The following RABGAP1L variants were observed in gnomAD, a reference collection of about 807,000 sequenced individuals.
RABGAP1L encodes the protein rab GTPase-activating protein 1-like.
A neutral mutation model predicts 137.7 loss-of-function variants in RABGAP1L; 63 were observed. That is an observed-to-expected ratio of 0.46 (90% confidence interval 0.37 to 0.56). The LOEUF (loss-of-function observed/expected upper bound fraction) is 0.56, where lower values mean the gene tolerates loss of function less well. Ranked by LOEUF, RABGAP1L falls within the 20% of genes least tolerant of loss-of-function variation. The pLI is 0.00. For synonymous variants in RABGAP1L, 431 were observed against 433.7 expected (o/e 0.99, Z 0.08); for missense variants, 1,095 against 1,244.0 (o/e 0.88, Z 1.80).
At chr1:174,648,350 A>G (rs1388057218) in intron 14 of RABGAP1L, among the ~76,000 whole-genome samples, 1 of 152,160 alleles carries the variant, frequency 6.6e-6, no homozygotes, top group African/African-American at 2.4e-5. Flanking sequence ...TTAGTGCTAT[A>G]AATTTTTCTC....
intron 20 of RABGAP1L, among the ~76,000 whole-genome samples, chr1:174,968,661 A>G (rs1669867281): frequency 6.6e-6 from 1 of 152,178 alleles, no homozygotes. Flanking sequence ...AAAAAACAAA[A>G]AAACTAGATA....
intron 4 of RABGAP1L, among the ~76,000 whole-genome samples, chr1:174,232,974 A>G (rs987712850): frequency 2.6e-5 from 4 of 152,086 alleles, no homozygotes; most frequent in African/African-American, 9.7e-5. Flanking sequence ...TTTACATACA[A>G]CAGATAATTA....
At chr1:174,884,458 T>A (rs1654759080) in intron 19 of RABGAP1L, among the ~76,000 whole-genome samples, 1 of 152,190 alleles carries the variant, frequency 6.6e-6, no homozygotes. Flanking sequence ...ACATAACAAT[T>A]AAGATTCATC....
At chr1:174,547,365 C>G (rs763113908) in intron 13 of RABGAP1L, among the ~76,000 whole-genome samples, 1 of 152,104 alleles carries the variant, frequency 6.6e-6, no homozygotes, top group Admixed American at 6.5e-5. Context: ...ACCTGTAATC[C>G]TGGTACTTTG....
chr1:174,395,566 A>G (rs906284657), intron 13 of RABGAP1L, among the ~76,000 whole-genome samples: 2 of 152,210 alleles, frequency 1.3e-5, no homozygotes, highest in Non-Finnish European at 2.9e-5. Flanking sequence ...AAACTCTTAC[A>G]TCTTCACACT....
intron 13 of RABGAP1L, among the ~76,000 whole-genome samples, chr1:174,532,039 G>A (rs1179877682): frequency 6.6e-6 from 1 of 151,248 alleles, no homozygotes; most frequent in Non-Finnish European, 1.5e-5. Flanking sequence ...CAAGTAGAAA[G>A]GAAGACATAA....
At chr1:174,496,042 G>A (rs1374381940) in intron 13 of RABGAP1L, among the ~76,000 whole-genome samples, 1 of 152,024 alleles carries the variant, frequency 6.6e-6, no homozygotes, top group African/African-American at 2.4e-5. Flanking sequence ...TTAACTTTGA[G>A]TTTAAATTTT....
rs192254728 is a variant in RABGAP1L, at chr1:174,557,063, G to A, written c.1711-80312G>A. Reference sequence around the variant, plus strand: ...AGTGCAAAGGGACTAACTCGCATTCGCATGCAAATTTCTGTGGCTGGAAAG... The same window carrying A: ...AGTGCAAAGGGACTAACTCGCATTCACATGCAAATTTCTGTGGCTGGAAAG... On this transcript the variant is annotated intron_variant, in intron 13 of 25. Transcript: ENST00000681986. Among the ~76,000 whole-genome samples the A allele has an allele frequency of 1.2e-3, 181 of 152,234 alleles. 1 individual carries two copies. Among genetic ancestry groups the A allele is most frequent in the African/African-American group, 4.2e-3 (175 of 41,538 alleles).
At chr1:174,686,818 C>T (rs753813331) in intron 15 of RABGAP1L, among the ~76,000 whole-genome samples, 1 of 151,488 alleles carries the variant, frequency 6.6e-6, no homozygotes, top group Non-Finnish European at 1.5e-5. Context: ...TCACCATGCC[C>T]AGCTAATTTT....
chr1:174,748,084 G>T (rs1221360335), intron 17 of RABGAP1L, among the ~76,000 whole-genome samples: 1 of 152,120 alleles, frequency 6.6e-6, no homozygotes, highest in Non-Finnish European at 1.5e-5. Context: ...TCCTCTTGGT[G>T]TTTGTGAGAG....
chr1:174,318,633 T>G (rs1210800655), intron 11 of RABGAP1L, among the ~76,000 whole-genome samples: 1 of 110,082 alleles, frequency 9.1e-6, no homozygotes, highest in Non-Finnish European at 2.0e-5. Context: ...TCTTTCTTTC[T>G]TTTTCTTTCT....
chr1:174,322,898 A>G (rs1680122200), intron 11 of RABGAP1L, among the ~76,000 whole-genome samples: 1 of 152,206 alleles, frequency 6.6e-6, no homozygotes, highest in Admixed American at 6.5e-5. Context: ...CAAGGAGAAG[A>G]ATAAATAGGT....
At chr1:174,794,717 G>A (rs1299348210) in intron 18 of RABGAP1L, among the ~76,000 whole-genome samples, 1 of 152,128 alleles carries the variant, frequency 6.6e-6, no homozygotes, top group South Asian at 2.1e-4. Context: ...TGCATCTACT[G>A]TGGACAACAA....
Position 174,767,460 on chromosome 1 carries a change from GAATT to G in RABGAP1L, c.2211+15107_2211+15110del, listed in dbSNP as rs1477000756. Among the ~76,000 whole-genome samples the G allele has an allele frequency of 2.0e-5, 3 of 151,394 alleles. No homozygotes were observed. In the East Asian group the frequency reaches 5.8e-4, roughly 29 times the overall value. Reference sequence around the variant, plus strand: ...ATTCTGCTTGATGCTATTGTGAATTGAATTGTTTGTTAATTTCATTTTCACTGCG... The same window carrying G: ...ATTCTGCTTGATGCTATTGTGAATTGGTTTGTTAATTTCATTTTCACTGCG... On this transcript the variant is annotated intron_variant, in intron 18 of 25. Coordinates refer to ENST00000681986, the MANE Select transcript of RABGAP1L (RefSeq NM_001366446.1).
At chr1:174,795,683 A>G (rs1688193078) in intron 18 of RABGAP1L, among the ~76,000 whole-genome samples, 1 of 152,170 alleles carries the variant, frequency 6.6e-6, no homozygotes, top group African/African-American at 2.4e-5. Flanking sequence ...CTCCCACTTC[A>G]GCCTCCTGGT....
chr1:174,623,859 C>T (rs1672736330), intron 13 of RABGAP1L, among the ~76,000 whole-genome samples: 1 of 152,154 alleles, frequency 6.6e-6, no homozygotes, highest in Non-Finnish European at 1.5e-5. Flanking sequence ...TAGAAGTCAC[C>T]TATTACTAGC....
chr1:174,993,743 C>A lies in RABGAP1L; in HGVS notation c.*3742C>A, dbSNP rs778143350. 1.5e-4 allele frequency: 23 copies of A among 152,180 alleles called. No homozygotes were observed. The highest frequency in any genetic ancestry group is 3.3e-4 in the Admixed American group (5 of 15,272). The allele number at this position is 152,180 out of a possible 1,614,324, so 9.4% of individuals were successfully genotyped here. On this transcript the variant is annotated 3_prime_UTR_variant, in exon 26 of 26. Coordinates refer to ENST00000681986, the MANE Select transcript of RABGAP1L (RefSeq NM_001366446.1). ...GAAAAAACTTTTAAAAAATTAAATG[C>A]CTTGGTTTTGTTTTATCTTCTGGGA...
At chr1:174,895,197 A>C (rs1354102010) in intron 19 of RABGAP1L, among the ~76,000 whole-genome samples, 1 of 152,222 alleles carries the variant, frequency 6.6e-6, no homozygotes, top group African/African-American at 2.4e-5. Context: ...TCATTCTTTC[A>C]AGTTTGTTTG....
At chr1:174,522,897 C>CAAG (rs1351073326) in intron 13 of RABGAP1L, among the ~76,000 whole-genome samples, 19 of 152,142 alleles carry the variant, frequency 1.2e-4, no homozygotes, top group African/African-American at 3.9e-4. Context: ...AATCTGCTCC[C>CAAG]ATGATTCCAT....
Sources: allele counts gnomAD v4.1 joint callset (sites outside exome capture counted in the v4.1 genomes callset), GRCh38; gene constraint gnomAD v4.1.1; transcripts MANE v1.5; gene names NCBI Gene and HGNC (gene_info 2026-07-23, HGNC 2026-07-21).